ATP2B4: variants seen among roughly 807,000 people sequenced by gnomAD.
The protein encoded by ATP2B4 is ATPase plasma membrane Ca2+ transporting 4.
Under a neutral mutation model 110.3 loss-of-function variants are expected in ATP2B4, and 39 were observed. The observed-to-expected ratio is 0.35, with a 90% confidence interval of 0.27 to 0.46. The LOEUF (loss-of-function observed/expected upper bound fraction) is 0.46. Ranked by LOEUF, ATP2B4 falls within the 20% of genes least tolerant of loss-of-function variation. The probability of loss-of-function intolerance (pLI) is 1.00; values close to 1 mark genes in which losing one functional copy is unlikely to be tolerated. For missense variants in ATP2B4, 1,135 were observed against 1,530.9 expected (o/e 0.74, Z 4.32); for synonymous variants, 538 against 571.7 (o/e 0.94, Z 0.84).
rs1220626290 is a variant in ATP2B4 at position 203,660,081 on chromosome 1, CAAAA to C, written c.-464-22645_-464-22642del. On this transcript the variant is annotated intron_variant, in intron 1 of 20. Coordinates refer to ENST00000357681, the MANE Select transcript of ATP2B4 (RefSeq NM_001684.5). The stretch of plus-strand genomic sequence containing the variant: ...TGGGCGGCAGAGCAAGACTCCATCT[CAAAA>C]AAAAAAAAAAAAAAAGAAAGAAAGA... Among the ~76,000 whole-genome samples, 1,378 of 145,028 alleles carry C rather than the reference CAAAA, an allele frequency of 9.5e-3. 18 individuals carry two copies. Among genetic ancestry groups the C allele is most frequent in the African/African-American group, 0.029 (1,102 of 38,494 alleles).
intron 1 of ATP2B4, among the ~76,000 whole-genome samples, chr1:203,660,753 C>T (rs944797227): frequency 6.6e-6 from 1 of 151,482 alleles, no homozygotes. Context: ...GAGCCAAGAT[C>T]GCACCACTGC....
rs1309698469 is a variant in ATP2B4 at position 203,627,016 on chromosome 1, G to A, written c.-668G>A. 3 of 152,356 alleles carry A rather than the reference G, an allele frequency of 2.0e-5. No individual in the cohort carries two copies. The highest frequency in any genetic ancestry group is 7.2e-5 in the African/African-American group (3 of 41,472). 9.4% of individuals were successfully genotyped at this position (152,356 alleles called of 1,614,324 possible). On this transcript the variant is annotated 5_prime_UTR_variant, in exon 1 of 21. Coordinates refer to ENST00000357681, the MANE Select transcript of ATP2B4 (RefSeq NM_001684.5). ...CCTTTTTCTTTCAGGAACCTGAGAGGTCCTTCCCATTGGAGGGGCAGGGGG... is the reference window on the plus strand; with the variant it reads ...CCTTTTTCTTTCAGGAACCTGAGAGATCCTTCCCATTGGAGGGGCAGGGGG...
intron 1 of ATP2B4, among the ~76,000 whole-genome samples, chr1:203,632,361 T>G (rs1663294887): frequency 6.6e-6 from 1 of 151,286 alleles, no homozygotes. Flanking sequence ...TTTTTTTTTT[T>G]GAGACAGAGT....
At chr1:203,649,666 T>C (rs1386347127) in intron 1 of ATP2B4, among the ~76,000 whole-genome samples, 1 of 152,040 alleles carries the variant, frequency 6.6e-6, no homozygotes, top group Non-Finnish European at 1.5e-5. Context: ...TGGTGATGCA[T>C]ACCTGTAGTC....
chr1:203,653,985 A>ATATATATATATATTT (rs1426863910), intron 1 of ATP2B4, among the ~76,000 whole-genome samples: 2 of 112,440 alleles, frequency 1.8e-5, no homozygotes, highest in African/African-American at 7.8e-5. Flanking sequence ...ATATATATAT[A>ATATATATATATATTT]TTTTTTTTTT....
intron 1 of ATP2B4, among the ~76,000 whole-genome samples, chr1:203,648,353 G>C (rs766443725): frequency 6.6e-6 from 1 of 152,162 alleles, no homozygotes; most frequent in African/African-American, 2.4e-5. Flanking sequence ...TCTGGAGGCT[G>C]TCACCAGCCA....
In ATP2B4 at chr1:203,729,735, G is replaced by A. The variant is rs374605025; in HGVS notation, c.3309+2164G>A. On this transcript the variant is annotated intron_variant, in intron 20 of 20. Transcript: ENST00000357681. ...CCTGGGGAGCCCTGAGCACTTCTCCGTGTTGCTGGCCTCACATCCAATTGG... is the reference window on the plus strand; with the variant it reads ...CCTGGGGAGCCCTGAGCACTTCTCCATGTTGCTGGCCTCACATCCAATTGG... 1.5e-4 allele frequency: 204 copies of A among 1,352,126 alleles called. No individual in the cohort carries two copies. In the African/African-American group the frequency reaches 2.6e-3, roughly 17 times the overall value. 83.8% of individuals were successfully genotyped at this position (1,352,126 alleles called of 1,614,324 possible). A position where few individuals can be genotyped will look rare whatever the true frequency, so the allele number is the denominator to read the frequency against.
chr1:203,680,476 G>A (rs566687254), intron 1 of ATP2B4, among the ~76,000 whole-genome samples: 223 of 152,198 alleles, frequency 1.5e-3, no homozygotes, highest in Non-Finnish European at 2.5e-3. Flanking sequence ...GGGTGTGGTG[G>A]TGGGCGCCTG....
At position 203,715,581 on chromosome 1, in the gene ATP2B4, G is replaced by A. The variant is rs186820168; in HGVS notation, c.2406+1304G>A. ...AAAAATTTTCTTTTCATTATATGGG[G>A]GGATGGTGTGGGGCAAAAAAAAAAA... On this transcript the variant is annotated intron_variant, in intron 15 of 20. Transcript: ENST00000357681. Among the ~76,000 whole-genome samples the A allele has an allele frequency of 3.1e-3, 447 of 142,098 alleles. 45 individuals are homozygous for A. The highest frequency in any genetic ancestry group is 0.011 in the African/African-American group (424 of 38,496). The allele number at this position is 142,098 out of a possible 152,430, so 93.2% of individuals were successfully genotyped here.
intron 19 of ATP2B4, 93 bp downstream of exon 19, chr1:203,724,081 C>A: frequency 2.9e-6 from 3 of 1,042,092 alleles, no homozygotes; most frequent in Non-Finnish European, 2.7e-6. Context: ...GGAGACCCCC[C>A]AGCTCCTCAT....
chr1:203,627,808 T>C (rs978980332), intron 1 of ATP2B4, among the ~76,000 whole-genome samples: 2 of 151,176 alleles, frequency 1.3e-5, no homozygotes, highest in Non-Finnish European at 2.9e-5. Flanking sequence ...GGAAGGAGAG[T>C]GCACGAATTA....
chr1:203,687,151 T>A (rs946068744), intron 2 of ATP2B4, among the ~76,000 whole-genome samples: 9 of 151,828 alleles, frequency 5.9e-5, no homozygotes, highest in Non-Finnish European at 8.8e-5. Context: ...GGAGACGGTG[T>A]TGGAAAACAA....
intron 1 of ATP2B4, among the ~76,000 whole-genome samples, chr1:203,659,485 A>G (rs987353889): frequency 6.6e-6 from 1 of 152,162 alleles, no homozygotes; most frequent in East Asian, 1.9e-4. Flanking sequence ...CCGAGACCAC[A>G]CAGCAAAACG....
chr1:203,638,397 C>T (rs1035310227), intron 1 of ATP2B4, among the ~76,000 whole-genome samples: 1 of 152,176 alleles, frequency 6.6e-6, no homozygotes. Flanking sequence ...TTACAGCCTT[C>T]TTTGTGGGGA....
rs1666998921 is a variant in ATP2B4, at chr1:203,741,654, C to G, written c.*1800C>G. ...TGGATCTGTCCTCCCTCACCCCTTT[C>G]ACCTGAGCTGTCCACAGTAGGAAAC... On this transcript the variant is annotated 3_prime_UTR_variant, in exon 21 of 21. Coordinates refer to ENST00000357681, the MANE Select transcript of ATP2B4 (RefSeq NM_001684.5). 2 of 152,404 alleles carry G rather than the reference C, an allele frequency of 1.3e-5. No individual in the cohort carries two copies. Among genetic ancestry groups the G allele is most frequent in the African/African-American group, 4.8e-5 (2 of 41,456 alleles). The allele number at this position is 152,404 out of a possible 1,614,324, so 9.4% of individuals were successfully genotyped here.
intron 1 of ATP2B4, among the ~76,000 whole-genome samples, chr1:203,679,677 G>A (rs553194669): frequency 1.2e-4 from 18 of 152,244 alleles, no homozygotes; most frequent in Admixed American, 5.9e-4. Context: ...AAGGTCAAGA[G>A]ATCGAGACCA....
At chr1:203,692,860 G>A (rs539861822) in intron 2 of ATP2B4, among the ~76,000 whole-genome samples, 11 of 152,278 alleles carry the variant, frequency 7.2e-5, no homozygotes, top group African/African-American at 2.2e-4. Context: ...ACCCAGCCTG[G>A]GCAGGGGCCG....
chr1:203,643,275 T>A (rs1414016510), intron 1 of ATP2B4, among the ~76,000 whole-genome samples: 2 of 152,168 alleles, frequency 1.3e-5, no homozygotes, highest in Non-Finnish European at 2.9e-5. Flanking sequence ...CCTGCATTCC[T>A]CCCCTGGGAG....
At position 203,629,097 on chromosome 1, in the gene ATP2B4, T is replaced by G. The variant is rs897850017; in HGVS notation, c.-465+1878T>G. Among the ~76,000 whole-genome samples the G allele has an allele frequency of 6.6e-6, 1 of 151,848 alleles. No individual in the cohort carries two copies. The highest frequency in any genetic ancestry group is 1.5e-5 in the Non-Finnish European group (1 of 67,922). ...TAAAACACTTAGAGGAGAGCTCATC[T>G]CGGGGCTGGGGATGCAACAGGAACG... is the stretch of plus-strand genomic sequence containing the variant. On this transcript the variant is annotated intron_variant, in intron 1 of 20. Coordinates refer to ENST00000357681, the MANE Select transcript of ATP2B4 (RefSeq NM_001684.5). The surrounding 1 kb of genome is among the most constrained non-coding windows in gnomAD (Gnocchi z 4.6).
Sources: gnomAD v4.1 joint callset for allele counts (sites outside exome capture counted in the v4.1 genomes callset) on GRCh38, gnomAD v4.1.1 for gene constraint, Gnocchi (gnomAD v3.1) non-coding constraint, MANE v1.5 for transcripts, NCBI Gene and HGNC (gene_info 2026-07-23, HGNC 2026-07-21) for gene names.